PPFIA3: variants seen among roughly 807,000 people sequenced by gnomAD.
PPFIA3 encodes the protein PPFI scaffold protein A3.
Under a neutral mutation model 145.8 loss-of-function variants are expected in PPFIA3, and 26 were observed. The ratio of observed to expected loss-of-function variants is 0.18; its 90% CI spans 0.13 to 0.25. The LOEUF (loss-of-function observed/expected upper bound fraction) is 0.25. PPFIA3 is among the 10% of genes least tolerant of loss of function. The pLI, the probability that PPFIA3 is intolerant of heterozygous loss-of-function variation, is 1.00. For synonymous variants in PPFIA3, 645 were observed against 661.4 expected, an observed-to-expected ratio of 0.98 and a Z score of 0.38; for missense variants, 1,008 against 1,587.8, an observed-to-expected ratio of 0.63 and a Z score of 6.21.
At chr19:49,136,229 G>A (rs565442105) in intron 14 of PPFIA3, among the ~76,000 whole-genome samples, 10 of 152,252 alleles carry the variant, frequency 6.6e-5, no homozygotes, top group Admixed American at 2.0e-4. Context: ...AATCAGGGGC[G>A]GGGGTGGAGT....
At chr19:49,144,531 T>A (rs2041259049) in intron 21 of PPFIA3, among the ~76,000 whole-genome samples, 1 of 151,932 alleles carries the variant, frequency 6.6e-6, no homozygotes, top group African/African-American at 2.4e-5. Flanking sequence ...CTGGGCAACA[T>A]GGCAAAACCC....
chr19:49,136,007 G>T, intron 14 of PPFIA3, 84 bp downstream of exon 14: 1 of 1,385,026 alleles, frequency 7.2e-7, no homozygotes. Context: ...TGGGGCTCCG[G>T]GAGGAAGCTG....
intron 18 of PPFIA3, 43 bp downstream of exon 18, chr19:49,140,131 C>T (rs1446565904): frequency 6.3e-7 from 1 of 1,590,958 alleles, no homozygotes; most frequent in Non-Finnish European, 8.6e-7. Context: ...GTTCCTTCCT[C>T]CCTTCCTCCC....
rs780900102 is a variant in PPFIA3 at position 49,136,823 on chromosome 19, G to T, written c.1765G>T (p.Glu589Ter). The T allele has an allele frequency of 1.3e-6, 2 of 1,591,142 alleles. No individual in the cohort carries two copies. The highest frequency in any genetic ancestry group is 1.7e-6 in the Non-Finnish European group (2 of 1,168,950). ...EEEAEGMFGAELLSPSGQADV... is the reference protein window; with the variant it reads ...EEEAEGMFGA ...GGAGGCAGAGGGGATGTTTGGGGCC[G>T]AGCTGCTGTCCCCCAGTGGGCAGGC... is the stretch of plus-strand genomic sequence containing the variant. The change falls in exon 15 of 30, where the codon GAG becomes TAG. Residue 589 changes from glutamate to a stop codon, truncating the protein, a stop_gained. Transcript: ENST00000334186. LOFTEE classifies it high-confidence loss of function.
intron 20 of PPFIA3, among the ~76,000 whole-genome samples, 190 bp from the exon 21 acceptor site, chr19:49,142,614 T>G (rs920925120): frequency 3.3e-5 from 4 of 122,112 alleles, no homozygotes; most frequent in African/African-American, 9.2e-5. Flanking sequence ...CCTATTTGTC[T>G]CCCTCGGACT....
chr19:49,129,015 A>T lies in PPFIA3; in HGVS notation c.507+3A>T. 1 of 1,586,398 alleles carries T rather than the reference A, an allele frequency of 6.3e-7. No individual in the cohort carries two copies. The highest frequency in any genetic ancestry group is 8.6e-7 in the Non-Finnish European group (1 of 1,165,010). ...ACCACAAGGCCCTGGATGAGAAGGTATGAGAATTAGAAGAGCAGGGGTGGA... is the reference window on the plus strand; with the variant it reads ...ACCACAAGGCCCTGGATGAGAAGGTTTGAGAATTAGAAGAGCAGGGGTGGA... On this transcript the variant is annotated splice_donor_region_variant and intron_variant, in intron 4 of 29. Transcript: ENST00000334186.
chr19:49,133,478 T>TGG lies in PPFIA3; in HGVS notation c.1161+111_1161+112dup. On this transcript the variant is annotated intron_variant, in intron 9 of 29. Coordinates refer to ENST00000334186, the MANE Select transcript of PPFIA3 (RefSeq NM_003660.4). The surrounding 1 kb of genome is among the most constrained non-coding windows in gnomAD (Gnocchi z 7.2). Reference sequence around the variant, plus strand: ...AGGAGCGAGGTCAGAACCCCGGATTTGGGGGAAAGGGTGGGGCCTAGGGGC... The same window carrying TGG: ...AGGAGCGAGGTCAGAACCCCGGATTTGGGGGGGAAAGGGTGGGGCCTAGGGGC... 8.4e-7 allele frequency: 1 copy of TGG among 1,187,946 alleles called. No individual in the cohort carries two copies. Among genetic ancestry groups the TGG allele is most frequent in the Non-Finnish European group, 1.1e-6 (1 of 908,360 alleles). The allele number at this position is 1,187,946 out of a possible 1,614,324, so 73.6% of individuals were successfully genotyped here.
At chr19:49,129,734 G>C (rs186873123) in intron 5 of PPFIA3, among the ~76,000 whole-genome samples, 2 of 152,322 alleles carry the variant, frequency 1.3e-5, no homozygotes, top group Admixed American at 1.3e-4. Flanking sequence ...ATTGAATGGG[G>C]AAAAGCGGGG....
rs1163466501 is a variant in PPFIA3, at chr19:49,142,035, C to A, written c.2464C>A (p.His822Asn). Residue 822 changes from histidine (H) to asparagine (N), a missense_variant and splice_region_variant, in exon 20 of 30, where the codon CAT becomes AAT. His to Asn is a moderately conservative substitution (Grantham distance 68, BLOSUM62 1). Around this residue, in one of 11 missense-constraint regions of PPFIA3, gnomAD observed 154 missense variants for 369.2 expected, o/e 0.42. Transcript: ENST00000334186. ...GDKDRRNKRK[H>N]ELLEEACRQG... ...ATCCTGGCCCCTTCACCCTTACAGGCATGAACTCCTGGAGGAGGCCTGCCG... is the reference window on the plus strand; with the variant it reads ...ATCCTGGCCCCTTCACCCTTACAGGAATGAACTCCTGGAGGAGGCCTGCCG... 2.6e-6 allele frequency: 4 copies of A among 1,564,660 alleles called. No homozygotes were observed. The highest frequency in any genetic ancestry group is 3.8e-5 in the Admixed American group (2 of 52,180).
At position 49,130,129 on chromosome 19, in the gene PPFIA3, T is replaced by G. The variant is rs1600329792; in HGVS notation, c.657+62T>G. On this transcript the variant is annotated intron_variant, in intron 6 of 29. Transcript: ENST00000334186. The surrounding 1 kb of genome is among the most constrained non-coding windows in gnomAD (Gnocchi z 4.5). ...CAACTCCCTGACTTTGTGATAGTGT[T>G]TGTAACGTTTGGTATCATCCTCACT... 5.9e-6 allele frequency: 9 copies of G among 1,523,872 alleles called. No homozygotes were observed. Among genetic ancestry groups the G allele is most frequent in the Middle Eastern group, 1.7e-4 (1 of 5,814 alleles). The allele number at this position is 1,523,872 out of a possible 1,614,324, so 94.4% of individuals were successfully genotyped here.
chr19:49,130,298 G>T lies in PPFIA3; in HGVS notation c.658-80G>T. ...CTTATTGATCTTTGATCTACTTTCAGCTGATTGACTTTCTCCTTGGATTTC... is the reference window on the plus strand; with the variant it reads ...CTTATTGATCTTTGATCTACTTTCATCTGATTGACTTTCTCCTTGGATTTC... On this transcript the variant is annotated intron_variant, in intron 6 of 29. Coordinates refer to ENST00000334186, the MANE Select transcript of PPFIA3 (RefSeq NM_003660.4). This position sits in a 1 kb window ranked among gnomAD's most constrained non-coding sequence, Gnocchi z 4.5. The T allele has an allele frequency of 7.3e-7, 1 of 1,364,710 alleles. No individual in the cohort carries two copies. The allele number at this position is 1,364,710 out of a possible 1,614,324, so 84.5% of individuals were successfully genotyped here. A position where few individuals can be genotyped will look rare whatever the true frequency, so the allele number is the denominator to read the frequency against.
rs556445013 is a variant in PPFIA3, at chr19:49,143,974, A to G, written c.2745+970A>G. Among the ~76,000 whole-genome samples the G allele has an allele frequency of 5.3e-5, 8 of 152,154 alleles. No homozygotes were observed. In the South Asian group the frequency reaches 1.7e-3, roughly 32 times the overall value. ...CATATGCATCTCATACACATGCCTAAAAAGAATTTTATACAATATTTTATT... is the reference window on the plus strand; with the variant it reads ...CATATGCATCTCATACACATGCCTAGAAAGAATTTTATACAATATTTTATT... On this transcript the variant is annotated intron_variant, in intron 21 of 29. Coordinates refer to ENST00000334186, the MANE Select transcript of PPFIA3 (RefSeq NM_003660.4).
intron 5 of PPFIA3, among the ~76,000 whole-genome samples, 197 bp downstream of exon 5, chr19:49,129,651 G>A (rs867314382): frequency 6.6e-5 from 10 of 152,332 alleles, no homozygotes; most frequent in Middle Eastern, 6.8e-3. Flanking sequence ...GCTACGGGGA[G>A]AATCTCCCAG....
At position 49,128,257 on chromosome 19, in the gene PPFIA3, C is replaced by G. The variant is rs2041027835; in HGVS notation, c.241-110C>G. ...TGGGCGGGGCCTGAGTGGCAAGGGA[C>G]AGCGGGACTTAGCAGGGAGGGCGGG... On this transcript the variant is annotated intron_variant, in intron 2 of 29. Transcript: ENST00000334186. The surrounding 1 kb of genome is among the most constrained non-coding windows in gnomAD (Gnocchi z 4.1). 6.7e-7 allele frequency: 1 copy of G among 1,497,384 alleles called. No individual in the cohort carries two copies. The allele number at this position is 1,497,384 out of a possible 1,614,324, so 92.8% of individuals were successfully genotyped here.
intron 25 of PPFIA3, 104 bp from the exon 26 acceptor site, chr19:49,148,889 T>C: frequency 6.4e-7 from 1 of 1,555,806 alleles, no homozygotes; most frequent in African/African-American, 1.4e-5. Flanking sequence ...GGAGCCAGCG[T>C]GGGGGGCGTG....
rs2040926590 is a variant in PPFIA3, at chr19:49,120,663, A to G, written c.-16+941A>G. ...CCAGCATCTGCTCCCCGAGGGACTC[A>G]GGCGCCATGACTCCTTTCCTTTGGG... is the stretch of plus-strand genomic sequence containing the variant. On this transcript the variant is annotated intron_variant, in intron 1 of 29. Transcript: ENST00000334186. The surrounding 1 kb of genome is among the most constrained non-coding windows in gnomAD (Gnocchi z 4.6). 6.6e-6 allele frequency among the ~76,000 whole-genome samples: 1 copy of G among 152,144 alleles called. No individual in the cohort carries two copies. The highest frequency in any genetic ancestry group is 2.1e-4 in the South Asian group (1 of 4,824).
Position 49,128,246 on chromosome 19 carries a change from G to T in PPFIA3, c.241-121G>T. ...CTTGCCGTTAATGGGCGGGGCCTGA[G>T]TGGCAAGGGACAGCGGGACTTAGCA... is the stretch of plus-strand genomic sequence containing the variant. On this transcript the variant is annotated intron_variant, in intron 2 of 29. Coordinates refer to ENST00000334186, the MANE Select transcript of PPFIA3 (RefSeq NM_003660.4). This position sits in a 1 kb window ranked among gnomAD's most constrained non-coding sequence, Gnocchi z 4.1. The T allele has an allele frequency of 6.7e-7, 1 of 1,492,432 alleles. No homozygotes were observed. 92.4% of individuals were successfully genotyped at this position (1,492,432 alleles called of 1,614,324 possible).
chr19:49,134,256 T>G, intron 11 of PPFIA3, 91 bp downstream of exon 11: 12 of 1,461,000 alleles, frequency 8.2e-6, no homozygotes, highest in Non-Finnish European at 1.0e-5. Flanking sequence ...CTCAGATCTG[T>G]TATCGGAGGC....
At chr19:49,140,232 T>C (rs79159063) in intron 18 of PPFIA3, 144 bp downstream of exon 18, 11,488 of 1,123,062 alleles carry the variant, frequency 0.01, 77 homozygotes, top group Non-Finnish European at 0.012. Context: ...GGAACACAGC[T>C]TGCCAAGGTA....
Sources: gnomAD v4.1 joint callset for allele counts (sites outside exome capture counted in the v4.1 genomes callset) on GRCh38, gnomAD v4.1.1 for gene constraint, gnomAD v4.1.1 regional missense constraint, Gnocchi (gnomAD v3.1) non-coding constraint, MANE v1.5 for transcripts, NCBI Gene and HGNC (gene_info 2026-07-23, HGNC 2026-07-21) for gene names.